SLC22A24: variants seen among roughly 807,000 people sequenced by gnomAD.
The protein encoded by SLC22A24 is steroid transmembrane transporter SLC22A24.
Under a neutral mutation model 49.8 loss-of-function variants are expected in SLC22A24, and 53 were observed. The observed-to-expected ratio is 1.06, with a 90% CI of 0.85 to 1.34. The LOEUF (loss-of-function observed/expected upper bound fraction) is 1.34, where lower values mean the gene tolerates loss of function less well. Ranked by LOEUF, SLC22A24 falls within the 40% of genes most tolerant of loss-of-function variation. The probability of loss-of-function intolerance (pLI) is 0.00; values close to 1 mark genes in which losing one functional copy is unlikely to be tolerated. For synonymous variants in SLC22A24, 302 were observed against 256.4 expected, an observed-to-expected ratio of 1.18 and a Z score of -1.70; for missense variants, 786 against 675.9, an observed-to-expected ratio of 1.16 and a Z score of -1.81.
intron 2 of SLC22A24, among the ~76,000 whole-genome samples, chr11:63,120,914 A>C (rs2087247463): frequency 6.6e-6 from 1 of 152,196 alleles, no homozygotes; most frequent in African/African-American, 2.4e-5. Context: ...GAATCATTGG[A>C]AAACTGAGAA....
chr11:63,095,436 T>G (rs961505268), intron 6 of SLC22A24, among the ~76,000 whole-genome samples: 2 of 152,168 alleles, frequency 1.3e-5, no homozygotes, highest in African/African-American at 4.8e-5. Context: ...AATGAATAAA[T>G]TTCACATATT....
chr11:63,139,286 C>A (rs191854512), intron 1 of SLC22A24, among the ~76,000 whole-genome samples: 1 of 152,062 alleles, frequency 6.6e-6, no homozygotes, highest in African/African-American at 2.4e-5. Flanking sequence ...GACACCGTTT[C>A]GGAAGAAAGC....
chr11:63,121,705 G>A (rs908507539), intron 2 of SLC22A24, among the ~76,000 whole-genome samples: 4 of 151,796 alleles, frequency 2.6e-5, no homozygotes, highest in African/African-American at 9.7e-5. Flanking sequence ...AGTTACATAT[G>A]TATACACGTG....
At chr11:63,105,896 A>C (rs1020358286) in intron 4 of SLC22A24, among the ~76,000 whole-genome samples, 1 of 150,836 alleles carries the variant, frequency 6.6e-6, no homozygotes, top group Non-Finnish European at 1.5e-5. Context: ...ACATTTATGC[A>C]CTGTTGCCCT....
At chr11:63,099,839 AG>A (rs2087079996) in intron 5 of SLC22A24, among the ~76,000 whole-genome samples, 1 of 152,186 alleles carries the variant, frequency 6.6e-6, no homozygotes, top group Non-Finnish European at 1.5e-5. Flanking sequence ...TAATCATTTC[AG>A]TTGATGCTGA....
At position 63,118,930 on chromosome 11, in the gene SLC22A24, A is replaced by G. The variant is rs2087231097; in HGVS notation, c.812T>C (p.Val271Ala). The G allele has an allele frequency of 6.4e-7, 1 of 1,552,132 alleles. No homozygotes were observed. The highest frequency in any genetic ancestry group is 8.7e-7 in the Non-Finnish European group (1 of 1,147,066). ...TTCATACCAAGAGGACAAGAAGAGG[A>G]CAATTATGGGTGTAGACACAGTCAG... ...LQLTVSTPII[V>A]LFLSSWKMVE... is the part of the protein sequence containing the mutation. Residue 271 changes from valine to alanine, a missense_variant, in exon 4 of 10, where the codon GTC becomes GCC. Coordinates refer to ENST00000612278, the MANE Select transcript of SLC22A24 (RefSeq NM_001136506.2).
Position 63,143,373 on chromosome 11 carries a change from C to G in SLC22A24, c.402+5G>C, listed in dbSNP as rs755951143. 3 of 1,442,026 alleles carry G rather than the reference C, an allele frequency of 2.1e-6. No individual in the cohort carries two copies. In the Admixed American group the frequency reaches 7.9e-5, roughly 38 times the overall value. 89.3% of individuals were successfully genotyped at this position (1,442,026 alleles called of 1,614,324 possible). ...TAAACAGAAGATTTACATGGGGCCT[C>G]TTACCTCAGTCACGATGGTGGAGAG... is the stretch of plus-strand genomic sequence containing the variant. On this transcript the variant is annotated splice_donor_5th_base_variant and intron_variant, in intron 1 of 9. Coordinates refer to ENST00000612278, the MANE Select transcript of SLC22A24 (RefSeq NM_001136506.2).
At chr11:63,110,745 T>C (rs1281375470) in intron 4 of SLC22A24, among the ~76,000 whole-genome samples, 1 of 137,046 alleles carries the variant, frequency 7.3e-6, no homozygotes, top group Non-Finnish European at 1.6e-5. Context: ...AAGGAGATTT[T>C]GGGCTGAGAC....
chr11:63,111,362 A>G (rs2087162692), intron 4 of SLC22A24, among the ~76,000 whole-genome samples: 1 of 152,042 alleles, frequency 6.6e-6, no homozygotes, highest in South Asian at 2.1e-4. Flanking sequence ...TGCTGGCTTC[A>G]TAAAATGAGT....
At chr11:63,123,814 T>C (rs1263156579) in intron 2 of SLC22A24, among the ~76,000 whole-genome samples, 1 of 152,198 alleles carries the variant, frequency 6.6e-6, no homozygotes, top group Non-Finnish European at 1.5e-5. Context: ...TATCTTACCA[T>C]CTCCCTTGAT....
intron 2 of SLC22A24, among the ~76,000 whole-genome samples, chr11:63,123,225 A>G (rs2087264424): frequency 6.6e-6 from 1 of 152,198 alleles, no homozygotes; most frequent in South Asian, 2.1e-4. Flanking sequence ...TATTATGCAC[A>G]TAATGAATAC....
At chr11:63,090,204 C>A (rs545528108) in intron 6 of SLC22A24, among the ~76,000 whole-genome samples, 3 of 151,102 alleles carry the variant, frequency 2.0e-5, no homozygotes, top group Non-Finnish European at 4.4e-5. Flanking sequence ...TACCCAGATT[C>A]ATAAAACAAG....
At chr11:63,081,313 G>C (rs2086958762) in intron 8 of SLC22A24, among the ~76,000 whole-genome samples, 190 bp from the exon 9 acceptor site, 1 of 152,116 alleles carries the variant, frequency 6.6e-6, no homozygotes, top group African/African-American at 2.4e-5. Context: ...GTTGGTAACT[G>C]CTCTTAACCT....
intron 4 of SLC22A24, among the ~76,000 whole-genome samples, chr11:63,118,317 A>C (rs1307698446): frequency 6.6e-6 from 1 of 152,124 alleles, no homozygotes; most frequent in Non-Finnish European, 1.5e-5. Flanking sequence ...ACTGGGACTC[A>C]GTTTTTCTTC....
intron 4 of SLC22A24, among the ~76,000 whole-genome samples, chr11:63,107,854 A>G (rs2087132161): frequency 6.6e-6 from 1 of 152,120 alleles, no homozygotes; most frequent in African/African-American, 2.4e-5. Flanking sequence ...GGGGTTTTCT[A>G]GATATACAAT....
intron 5 of SLC22A24, among the ~76,000 whole-genome samples, chr11:63,102,061 T>C (rs892163922): frequency 6.6e-6 from 1 of 152,110 alleles, no homozygotes; most frequent in Non-Finnish European, 1.5e-5. Flanking sequence ...CAATAATATA[T>C]TGTACATTTA....
intron 2 of SLC22A24, among the ~76,000 whole-genome samples, chr11:63,120,961 C>A (rs1280244731): frequency 6.6e-6 from 1 of 151,932 alleles, no homozygotes; most frequent in Non-Finnish European, 1.5e-5. Flanking sequence ...ATGTATATAT[C>A]CTCAATAAAA....
At chr11:63,115,276 C>T (rs1487831756) in intron 4 of SLC22A24, among the ~76,000 whole-genome samples, 1 of 152,184 alleles carries the variant, frequency 6.6e-6, no homozygotes, top group Non-Finnish European at 1.5e-5. Flanking sequence ...CAATGGCAGA[C>T]ACCCCTCCCC....
rs536235323 is a variant in SLC22A24, at chr11:63,124,341, G to T, written c.507-5006C>A. Among the ~76,000 whole-genome samples, 54 of 152,274 alleles carry T rather than the reference G, an allele frequency of 3.5e-4. No individual in the cohort carries two copies. In the Middle Eastern group the frequency reaches 0.014, roughly 38 times the overall value. Reference sequence around the variant, plus strand: ...AGAAAAAACTTTCAAGCTTGAGAAGGCACAGATAATGAGATAAATTCGATG... The same window carrying T: ...AGAAAAAACTTTCAAGCTTGAGAAGTCACAGATAATGAGATAAATTCGATG... On this transcript the variant is annotated intron_variant, in intron 2 of 9. Transcript: ENST00000612278.
Sources: gnomAD v4.1 joint callset for allele counts (sites outside exome capture counted in the v4.1 genomes callset) on GRCh38, gnomAD v4.1.1 for gene constraint, MANE v1.5 for transcripts, NCBI Gene and HGNC (gene_info 2026-07-23, HGNC 2026-07-21) for gene names.